Variants in MAST2 observed in about 807,000 individuals in gnomAD.
MAST2 encodes the protein microtubule-associated serine/threonine-protein kinase 2.
MAST2 carries 70 observed loss-of-function variants against 147.4 expected under a neutral mutation model. The ratio of observed to expected loss-of-function variants is 0.47; its 90% CI spans 0.39 to 0.58. The LOEUF is 0.58. Ranked by LOEUF, MAST2 falls within the 20% of genes least tolerant of loss-of-function variation. The pLI is 0.00. For synonymous variants in MAST2, 869 were observed against 896.8 expected (o/e 0.97, Z 0.55); for missense variants, 2,080 against 2,302.3 (o/e 0.90, Z 1.98).
chr1:45,883,912 G>GCCCTCCCCCCC (rs1553221921), intron 4 of MAST2, among the ~76,000 whole-genome samples: 1 of 2,488 alleles, frequency 4.0e-4, no homozygotes, highest in Non-Finnish European at 1.0e-3. Flanking sequence ...TACTATTTCT[G>GCCCTCCCCCCC]CCCCCCCCGC....
chr1:46,029,613 A>G, intron 19 of MAST2, 46 bp downstream of exon 19: 2 of 1,570,414 alleles, frequency 1.3e-6, no homozygotes, highest in Non-Finnish European at 1.7e-6. Context: ...GAAAAGGGGT[A>G]AGGGAGGCTG....
At chr1:45,956,815 C>G (rs529260986) in intron 4 of MAST2, among the ~76,000 whole-genome samples, 5 of 152,194 alleles carry the variant, frequency 3.3e-5, no homozygotes, top group Admixed American at 6.5e-5. Flanking sequence ...CTGCCCAAAC[C>G]TTGCCACCTA....
At chr1:45,899,973 C>T (rs1570618793) in intron 4 of MAST2, among the ~76,000 whole-genome samples, 1 of 151,496 alleles carries the variant, frequency 6.6e-6, no homozygotes, top group Admixed American at 6.6e-5. Context: ...AGTTCAAGAA[C>T]AGCCTGGCCA....
At chr1:45,915,388 G>C (rs1395415661) in intron 4 of MAST2, among the ~76,000 whole-genome samples, 1 of 152,152 alleles carries the variant, frequency 6.6e-6, no homozygotes, top group Non-Finnish European at 1.5e-5. Flanking sequence ...TAACCAGTTT[G>C]CAGAGTAGTA....
At chr1:45,839,829 T>C (rs557712275) in intron 3 of MAST2, among the ~76,000 whole-genome samples, 34 of 152,182 alleles carry the variant, frequency 2.2e-4, no homozygotes, top group Non-Finnish European at 4.3e-4. Flanking sequence ...AGGATAGATA[T>C]ATAGATCACT....
rs1646271356 is a variant in MAST2, at chr1:46,023,420, C to T, written c.1571+102C>T. The stretch of plus-strand genomic sequence containing the variant: ...TGCCCAGTCCTCTGGGCAGATGCCT[C>T]GGGGTGGACCTTCTCACTCCCAGAA... On this transcript the variant is annotated intron_variant, in intron 14 of 28. Coordinates refer to ENST00000361297, the MANE Select transcript of MAST2 (RefSeq NM_015112.3). This position sits in a 1 kb window ranked among gnomAD's most constrained non-coding sequence, Gnocchi z 4.9. 9.3e-6 allele frequency: 10 copies of T among 1,072,908 alleles called. No homozygotes were observed. Among genetic ancestry groups the T allele is most frequent in the Non-Finnish European group, 1.4e-5 (10 of 704,316 alleles). The allele number at this position is 1,072,908 out of a possible 1,614,324, so 66.5% of individuals were successfully genotyped here. A position where few individuals can be genotyped will look rare whatever the true frequency, so the allele number is the denominator to read the frequency against.
chr1:45,827,344 T>G (rs748251025), intron 2 of MAST2, among the ~76,000 whole-genome samples: 15 of 152,366 alleles, frequency 9.8e-5, no homozygotes, highest in Non-Finnish European at 1.0e-4. Context: ...ATGTTGTTCC[T>G]TCCGTTTTAT....
At chr1:45,846,347 G>A (rs543888912) in intron 3 of MAST2, among the ~76,000 whole-genome samples, 21 of 152,164 alleles carry the variant, frequency 1.4e-4, no homozygotes, top group African/African-American at 4.6e-4. Flanking sequence ...GTTACTGTCC[G>A]TTTCACAAAA....
intron 1 of MAST2, among the ~76,000 whole-genome samples, chr1:45,819,066 C>G (rs1348866836): frequency 1.3e-5 from 2 of 151,956 alleles, no homozygotes; most frequent in Admixed American, 1.3e-4. Flanking sequence ...CCAGCCTGAC[C>G]AACATGGTGA....
Position 45,903,146 on chromosome 1 carries a change from T to C in MAST2, c.500+20751T>C, listed in dbSNP as rs201153298. Among the ~76,000 whole-genome samples, 210 of 143,912 alleles carry C rather than the reference T, an allele frequency of 1.5e-3. 5 individuals are homozygous for C. The East Asian group carries it at 0.039, about 27-fold the overall frequency. 94.4% of individuals were successfully genotyped at this position (143,912 alleles called of 152,430 possible). On this transcript the variant is annotated intron_variant, in intron 4 of 28. Transcript: ENST00000361297. ...TTTGTCTTTTTTTTTTTTTTTTTTTTTGGAGACAGAGTCTCACTCTGTCGC... is the reference window on the plus strand; with the variant it reads ...TTTGTCTTTTTTTTTTTTTTTTTTTCTGGAGACAGAGTCTCACTCTGTCGC...
rs75778991 is a variant in MAST2, at chr1:45,867,688, C to G, written c.469-14676C>G. On this transcript the variant is annotated intron_variant, in intron 3 of 28. Transcript: ENST00000361297. ...TGATAGCAGTGGACGATGTGGAGGA[C>G]TTTCTTATTGGCCATTTTTACAGAT... Among the ~76,000 whole-genome samples, 436 of 152,126 alleles carry G rather than the reference C, an allele frequency of 2.9e-3. 3 individuals are homozygous for G. Among genetic ancestry groups the G allele is most frequent in the East Asian group, 0.02 (102 of 5,172 alleles).
intron 16 of MAST2, among the ~76,000 whole-genome samples, chr1:46,026,280 C>T (rs1431462378): frequency 1.3e-5 from 2 of 152,144 alleles, no homozygotes; most frequent in Non-Finnish European, 2.9e-5. Context: ...GACCTGCTTT[C>T]TAAAGCAGGA....
At chr1:45,918,685 G>A (rs1010878011) in intron 4 of MAST2, among the ~76,000 whole-genome samples, 2 of 151,728 alleles carry the variant, frequency 1.3e-5, no homozygotes, top group African/African-American at 2.4e-5. Context: ...TTATCCACCC[G>A]CCTCGGCCTC....
At position 46,028,771 on chromosome 1, in the gene MAST2, T is replaced by G; in HGVS notation, c.2056T>G (p.Cys686Gly). Residue 686 changes from cysteine to glycine, a missense_variant, in exon 18 of 29, where the codon TGC becomes GGC. Cys to Gly is a radical substitution (Grantham distance 159). Coordinates refer to ENST00000361297, the MANE Select transcript of MAST2 (RefSeq NM_015112.3). Reference sequence around the variant, plus strand: ...AGCCTGGCTTTTCTGTGCCCAGGTATGCGGGACCCCAGAATACATTGCGCC... The same window carrying G: ...AGCCTGGCTTTTCTGTGCCCAGGTAGGCGGGACCCCAGAATACATTGCGCC... ...DAREFLDKQVCGTPEYIAPEV... is the reference protein window; with the variant it reads ...DAREFLDKQVGGTPEYIAPEV... 1 of 1,614,096 alleles carries G rather than the reference T, an allele frequency of 6.2e-7. No individual in the cohort carries two copies. Among genetic ancestry groups the G allele is most frequent in the Non-Finnish European group, 8.5e-7 (1 of 1,180,000 alleles).
chr1:45,902,766 C>T lies in MAST2; in HGVS notation c.500+20371C>T, dbSNP rs76940361. ...GTCTTCTAGGTTTCTCTGGTTTATG[C>T]TCATAGAGATGTTATAGTAGTCTCT... On this transcript the variant is annotated intron_variant, in intron 4 of 28. Transcript: ENST00000361297. 5.5e-4 allele frequency among the ~76,000 whole-genome samples: 84 copies of T among 152,102 alleles called. No homozygotes were observed. In the East Asian group the frequency reaches 0.013, roughly 24 times the overall value.
At chr1:45,882,722 T>A (rs1234433089) in intron 4 of MAST2, among the ~76,000 whole-genome samples, 1 of 152,164 alleles carries the variant, frequency 6.6e-6, no homozygotes, top group Non-Finnish European at 1.5e-5. Context: ...GCTAAGGAAG[T>A]AGGAATATTA....
intron 4 of MAST2, among the ~76,000 whole-genome samples, chr1:45,919,517 T>G (rs1653105158): frequency 6.6e-6 from 1 of 152,198 alleles, no homozygotes; most frequent in Non-Finnish European, 1.5e-5. Context: ...CAGATTTAAG[T>G]GACATTATTT....
chr1:45,923,124 C>T (rs1653799936), intron 4 of MAST2, among the ~76,000 whole-genome samples: 1 of 152,186 alleles, frequency 6.6e-6, no homozygotes, highest in Non-Finnish European at 1.5e-5. Flanking sequence ...CCCTAGTGCC[C>T]CTCTCTGCCT....
intron 4 of MAST2, among the ~76,000 whole-genome samples, chr1:45,949,642 T>C (rs1658631483): frequency 6.6e-6 from 1 of 152,176 alleles, no homozygotes; most frequent in Admixed American, 6.5e-5. Flanking sequence ...AGTTCAACCA[T>C]TGTGGAAAGC....
Sources: allele counts gnomAD v4.1 joint callset (sites outside exome capture counted in the v4.1 genomes callset), GRCh38; gene constraint gnomAD v4.1.1; non-coding constraint Gnocchi (gnomAD v3.1); transcripts MANE v1.5; gene names NCBI Gene and HGNC (gene_info 2026-07-23, HGNC 2026-07-21).